Variants in PCDH9 observed in about 807,000 individuals in gnomAD.
PCDH9 encodes the protein protocadherin-9.
A neutral mutation model predicts 70.6 loss-of-function variants in PCDH9; 24 were observed. The ratio of observed to expected loss-of-function variants is 0.34; its 90% confidence interval spans 0.25 to 0.48. The LOEUF is 0.48. Ranked by LOEUF, PCDH9 falls within the 20% of genes least tolerant of loss-of-function variation. The pLI is 0.99. For missense variants in PCDH9, 1,281 were observed against 1,503.6 expected (o/e 0.85, Z 2.45); for synonymous variants, 562 against 558.5 (o/e 1.01, Z -0.09).
chr13:66,535,956 T>C (rs912474485), intron 4 of PCDH9, among the ~76,000 whole-genome samples: 2 of 152,040 alleles, frequency 1.3e-5, no homozygotes, highest in Non-Finnish European at 2.9e-5. Context: ...ACCAGAAATA[T>C]CCACTATAAA....
At chr13:66,477,798 A>G (rs1310337912) in intron 4 of PCDH9, among the ~76,000 whole-genome samples, 1 of 152,208 alleles carries the variant, frequency 6.6e-6, no homozygotes. Flanking sequence ...GGTGATAAAA[A>G]TCATGCTTTA....
At chr13:66,407,944 T>G (rs1765081401) in intron 4 of PCDH9, among the ~76,000 whole-genome samples, 1 of 152,288 alleles carries the variant, frequency 6.6e-6, no homozygotes, top group East Asian at 1.9e-4. Context: ...ATAAGTCAGG[T>G]TCACTAGAAT....
chr13:67,143,248 G>A (rs1026783029), intron 2 of PCDH9, among the ~76,000 whole-genome samples: 3 of 152,048 alleles, frequency 2.0e-5, no homozygotes, highest in East Asian at 1.9e-4. Context: ...TTACAAAATT[G>A]TACTCTTCAC....
intron 3 of PCDH9, among the ~76,000 whole-genome samples, chr13:66,893,166 T>C (rs1167595107): frequency 6.6e-6 from 1 of 152,164 alleles, no homozygotes; most frequent in Non-Finnish European, 1.5e-5. Context: ...GTAAATCTGA[T>C]TGTGAATCAC....
chr13:66,429,111 T>A (rs947005216), intron 4 of PCDH9, among the ~76,000 whole-genome samples: 18 of 151,868 alleles, frequency 1.2e-4, no homozygotes, highest in African/African-American at 4.1e-4. Flanking sequence ...CACTGTTTCT[T>A]ATTTGCTTTG....
At chr13:66,624,667 T>C (rs1251593952) in intron 4 of PCDH9, among the ~76,000 whole-genome samples, 2 of 152,258 alleles carry the variant, frequency 1.3e-5, no homozygotes, top group Non-Finnish European at 2.9e-5. Context: ...GGAGCAGTTA[T>C]CAGTTTATGT....
Position 67,226,258 on chromosome 13 carries a change from A to C in PCDH9, c.2183T>G (p.Ile728Ser). 6.2e-7 allele frequency: 1 copy of C among 1,614,144 alleles called. No individual in the cohort carries two copies. Among genetic ancestry groups the C allele is most frequent in the South Asian group, 1.1e-5 (1 of 91,082 alleles). The change falls in exon 2 of 5, where the codon ATT becomes AGT. Residue 728 changes from isoleucine to serine, a missense_variant. Ile to Ser is a moderately radical substitution (Grantham distance 142, BLOSUM62 -2). Transcript: ENST00000377865. The surrounding 1 kb of genome is among the most constrained non-coding windows in gnomAD (Gnocchi z 5.0). ...AGTAATGTTACCTGTTACTGGATCA[A>C]TCCGGAATAAGCCTTTATTGTTTCC... ...VSGNNKGLFR[I>S]DPVTGNITLE...
chr13:66,472,123 A>T (rs1388393070), intron 4 of PCDH9, among the ~76,000 whole-genome samples: 1 of 151,308 alleles, frequency 6.6e-6, no homozygotes, highest in African/African-American at 2.4e-5. Context: ...GAGGCAAAAG[A>T]ATCGCTTGAA....
At chr13:67,111,169 A>G (rs1423392828) in intron 2 of PCDH9, among the ~76,000 whole-genome samples, 1 of 152,202 alleles carries the variant, frequency 6.6e-6, no homozygotes, top group East Asian at 1.9e-4. Flanking sequence ...ATATATGTTT[A>G]TTTATAATAT....
At chr13:66,970,629 AAAAAAAAAAAAAAGC>A (rs2083504680) in intron 2 of PCDH9, among the ~76,000 whole-genome samples, 1 of 65,854 alleles carries the variant, frequency 1.5e-5, no homozygotes, top group Non-Finnish European at 2.9e-5. Context: ...CCTGTCTGAA[AAAAAAAAAAAAAAGC>A]AAAAAAAAAA....
At chr13:67,044,011 T>C (rs1451995991) in intron 2 of PCDH9, among the ~76,000 whole-genome samples, 1 of 152,130 alleles carries the variant, frequency 6.6e-6, no homozygotes, top group Non-Finnish European at 1.5e-5. Context: ...AGCCAATTCC[T>C]AATTCAAGGA....
chr13:66,768,561 T>C (rs188104210), intron 3 of PCDH9, among the ~76,000 whole-genome samples: 386 of 152,182 alleles, frequency 2.5e-3, no homozygotes, highest in African/African-American at 8.8e-3. Flanking sequence ...GTTTTACTTA[T>C]ACATAAAACA....
At chr13:66,480,035 C>G (rs568136220) in intron 4 of PCDH9, among the ~76,000 whole-genome samples, 1 of 152,180 alleles carries the variant, frequency 6.6e-6, no homozygotes, top group Admixed American at 6.5e-5. Context: ...CTGAAACACT[C>G]GCCACGAAGG....
intron 3 of PCDH9, among the ~76,000 whole-genome samples, chr13:66,799,135 G>A (rs966979742): frequency 1.3e-5 from 2 of 152,050 alleles, no homozygotes; most frequent in Non-Finnish European, 1.5e-5. Flanking sequence ...TCTTTATTAA[G>A]AGACTATTTT....
At chr13:66,895,719 A>G (rs895632399) in intron 3 of PCDH9, among the ~76,000 whole-genome samples, 1 of 152,160 alleles carries the variant, frequency 6.6e-6, no homozygotes, top group Non-Finnish European at 1.5e-5. Flanking sequence ...GTCTGATATT[A>G]TTTATTATCA....
intron 2 of PCDH9, among the ~76,000 whole-genome samples, chr13:66,961,344 C>T (rs2083341882): frequency 2.0e-5 from 3 of 152,142 alleles, no homozygotes; most frequent in Admixed American, 2.0e-4. Flanking sequence ...TTTGTGTCAA[C>T]ATTGTGTTCC....
At chr13:66,400,233 C>T (rs1957164408) in intron 4 of PCDH9, among the ~76,000 whole-genome samples, 1 of 152,186 alleles carries the variant, frequency 6.6e-6, no homozygotes, top group Non-Finnish European at 1.5e-5. Context: ...TTCTAATAAT[C>T]AGCTAAATAT....
chr13:67,130,886 C>T (rs922186291), intron 2 of PCDH9, among the ~76,000 whole-genome samples: 1 of 152,104 alleles, frequency 6.6e-6, no homozygotes, highest in African/African-American at 2.4e-5. Context: ...CTGCATTTGC[C>T]GTTGAGCCCC....
intron 4 of PCDH9, among the ~76,000 whole-genome samples, chr13:66,625,414 G>C (rs545102090): frequency 6.6e-6 from 1 of 152,214 alleles, no homozygotes; most frequent in Non-Finnish European, 1.5e-5. Flanking sequence ...ATAATTAGTG[G>C]AGGGAAGTTC....
Sources: gnomAD v4.1 joint callset for allele counts (sites outside exome capture counted in the v4.1 genomes callset) on GRCh38, gnomAD v4.1.1 for gene constraint, Gnocchi (gnomAD v3.1) non-coding constraint, MANE v1.5 for transcripts, NCBI Gene and HGNC (gene_info 2026-07-23, HGNC 2026-07-21) for gene names.